Variants in NKAIN3 observed in about 807,000 individuals in gnomAD.
NKAIN3 encodes sodium/potassium transporting ATPase interacting 3, also known as sodium/potassium-transporting ATPase subunit beta-1-interacting protein 3.
Under a neutral mutation model 30.2 loss-of-function variants are expected in NKAIN3, and 25 were observed. The observed-to-expected ratio is 0.83, with a 90% CI of 0.60 to 1.16. The LOEUF is 1.16. Among genes scored for constraint, NKAIN3 ranks in the 50% most tolerant of loss-of-function variants. The pLI is 0.00. For missense variants in NKAIN3, 225 were observed against 254.1 expected, an observed-to-expected ratio of 0.89 and a Z score of 0.78; for synonymous variants, 91 against 89.6, an observed-to-expected ratio of 1.02 and a Z score of -0.09.
intron 1 of NKAIN3, among the ~76,000 whole-genome samples, chr8:62,575,698 T>C (rs1292373445): frequency 1.3e-5 from 2 of 152,096 alleles, no homozygotes; most frequent in Non-Finnish European, 2.9e-5. Flanking sequence ...GGAATCACAT[T>C]ACCTGACTTC....
intron 1 of NKAIN3, among the ~76,000 whole-genome samples, chr8:62,249,370 T>C (rs2129384864): frequency 6.6e-6 from 1 of 152,264 alleles, no homozygotes; most frequent in African/African-American, 2.4e-5. Flanking sequence ...GCGCTGGGGT[T>C]CGCCGCGCTC....
chr8:62,284,194 A>T (rs756289844), intron 1 of NKAIN3, among the ~76,000 whole-genome samples: 3 of 152,162 alleles, frequency 2.0e-5, no homozygotes, highest in Non-Finnish European at 2.9e-5. Context: ...TGTCTGGCTC[A>T]CAAAAGTATG....
chr8:62,408,759 G>A (rs183165968), intron 1 of NKAIN3, among the ~76,000 whole-genome samples: 27 of 152,240 alleles, frequency 1.8e-4, no homozygotes, highest in Non-Finnish European at 3.4e-4. Context: ...ATGGAGGAAA[G>A]TGAAAAAGTG....
At chr8:62,410,939 C>T (rs1047719996) in intron 1 of NKAIN3, among the ~76,000 whole-genome samples, 2 of 152,132 alleles carry the variant, frequency 1.3e-5, no homozygotes, top group Non-Finnish European at 2.9e-5. Flanking sequence ...GAGATTAATT[C>T]ACAGTTGAAT....
At chr8:62,871,018 T>C (rs1486600442) in intron 4 of NKAIN3, among the ~76,000 whole-genome samples, 8 of 151,940 alleles carry the variant, frequency 5.3e-5, no homozygotes, top group Admixed American at 6.6e-5. Flanking sequence ...TGAGGTAACA[T>C]TGACAAACAA....
At chr8:62,714,398 T>C (rs1179102040) in intron 3 of NKAIN3, among the ~76,000 whole-genome samples, 1 of 152,042 alleles carries the variant, frequency 6.6e-6, no homozygotes, top group Non-Finnish European at 1.5e-5. Context: ...TTTGATCTTT[T>C]ATATCATATG....
intron 1 of NKAIN3, among the ~76,000 whole-genome samples, chr8:62,444,046 T>A (rs1805410429): frequency 6.6e-6 from 1 of 152,174 alleles, no homozygotes; most frequent in South Asian, 2.1e-4. Flanking sequence ...TACTTGAACC[T>A]GAGCCTATAC....
chr8:62,428,131 A>T (rs931454577), intron 1 of NKAIN3, among the ~76,000 whole-genome samples: 1 of 151,968 alleles, frequency 6.6e-6, no homozygotes. Flanking sequence ...CATTAAAATA[A>T]CGTCCTACAG....
chr8:62,591,207 A>C (rs1460466133), intron 3 of NKAIN3, among the ~76,000 whole-genome samples: 1 of 151,890 alleles, frequency 6.6e-6, no homozygotes, highest in Non-Finnish European at 1.5e-5. Context: ...AATTTGGGAT[A>C]AATTAGACCA....
intron 1 of NKAIN3, among the ~76,000 whole-genome samples, chr8:62,441,315 T>C (rs370179103): frequency 1.4e-3 from 214 of 152,210 alleles, no homozygotes; most frequent in African/African-American, 4.8e-3. Flanking sequence ...CTGTTTTTCC[T>C]AAGTCTTCAT....
intron 3 of NKAIN3, among the ~76,000 whole-genome samples, chr8:62,673,537 A>G: frequency 6.6e-6 from 1 of 152,206 alleles, no homozygotes; most frequent in South Asian, 2.1e-4. Flanking sequence ...TGACCTCCAT[A>G]GTGTCGGGGA....
chr8:62,483,563 C>A, intron 1 of NKAIN3: 1 of 172,516 alleles, frequency 5.8e-6, no homozygotes. Flanking sequence ...GACGGACCTC[C>A]ACTTCTAGTC....
At chr8:62,497,432 A>AT (rs5891858) in intron 1 of NKAIN3, among the ~76,000 whole-genome samples, 89,170 of 148,920 alleles carry the variant, frequency 0.6, 26,509 homozygotes, top group Middle Eastern at 0.62. Context: ...AGTATAACCT[A>AT]TTTTTTTTTT....
chr8:62,370,607 A>C (rs987345416), intron 1 of NKAIN3, among the ~76,000 whole-genome samples: 2 of 151,994 alleles, frequency 1.3e-5, no homozygotes, highest in Non-Finnish European at 2.9e-5. Flanking sequence ...TATAAACGGA[A>C]AAATCTTCTT....
At chr8:62,423,921 C>T (rs1258482495) in intron 1 of NKAIN3, among the ~76,000 whole-genome samples, 1 of 152,026 alleles carries the variant, frequency 6.6e-6, no homozygotes, top group Non-Finnish European at 1.5e-5. Flanking sequence ...TTTTACTTAG[C>T]TGAACACTGG....
At chr8:62,485,033 A>C (rs769419690) in intron 1 of NKAIN3, among the ~76,000 whole-genome samples, 1 of 152,186 alleles carries the variant, frequency 6.6e-6, no homozygotes, top group Non-Finnish European at 1.5e-5. Flanking sequence ...TGTTGATTCA[A>C]CAGGAACTGC....
At chr8:62,390,510 A>G (rs1161472532) in intron 1 of NKAIN3, among the ~76,000 whole-genome samples, 1 of 152,140 alleles carries the variant, frequency 6.6e-6, no homozygotes, top group Non-Finnish European at 1.5e-5. Context: ...GAATATAAAC[A>G]TGCTTGTGTC....
At chr8:62,759,884 T>TA (rs1169321720) in intron 4 of NKAIN3, among the ~76,000 whole-genome samples, 13 of 152,260 alleles carry the variant, frequency 8.5e-5, no homozygotes, top group Admixed American at 7.8e-4. Context: ...ACAGGGCTGA[T>TA]ACCCAGAATC....
Position 62,607,388 on chromosome 8 carries a change from T to A in NKAIN3, c.273+17594T>A, listed in dbSNP as rs544602220. ...ATGTGTGTACAAATGGGCACTGTCA[T>A]GGAAGGCTGATGCACCTTCTCTTGG... On this transcript the variant is annotated intron_variant, in intron 3 of 6. Transcript: ENST00000623646. Among the ~76,000 whole-genome samples the A allele has an allele frequency of 2.0e-5, 3 of 152,270 alleles. No homozygotes were observed. In the South Asian group the frequency reaches 6.2e-4, roughly 32 times the overall value.
Sources: gnomAD v4.1 joint callset for allele counts (sites outside exome capture counted in the v4.1 genomes callset) on GRCh38, gnomAD v4.1.1 for gene constraint, MANE v1.5 for transcripts, NCBI Gene and HGNC (gene_info 2026-07-23, HGNC 2026-07-21) for gene names.